Variants in PELI2 observed in about 807,000 individuals in gnomAD.
PELI2 encodes the protein E3 ubiquitin-protein ligase pellino homolog 2.
In PELI2, 23 loss-of-function variants were observed where a neutral mutation model predicts 42.3. The ratio of observed to expected loss-of-function variants is 0.54; its 90% CI spans 0.39 to 0.77. The LOEUF is 0.77. Among genes scored for constraint, PELI2 ranks in the 30% least tolerant of loss-of-function variants. The probability of loss-of-function intolerance (pLI) is 0.00; values close to 1 mark genes in which losing one functional copy is unlikely to be tolerated. For synonymous variants in PELI2, 245 were observed against 212.2 expected, an observed-to-expected ratio of 1.15 and a Z score of -1.34; for missense variants, 463 against 553.2, an observed-to-expected ratio of 0.84 and a Z score of 1.64.
rs547286420 is a variant in PELI2, at chr14:56,295,153, A to G, written c.697-1447A>G. 3.9e-5 allele frequency among the ~76,000 whole-genome samples: 6 copies of G among 151,980 alleles called. No homozygotes were observed. In the South Asian group the frequency reaches 1.0e-3, roughly 26 times the overall value. On this transcript the variant is annotated intron_variant, in intron 5 of 5. Transcript: ENST00000267460. The stretch of plus-strand genomic sequence containing the variant: ...ACTGAGACTGTCTTTGTTGAGGTGT[A>G]CTCACCCTCTCTACCCAGAGAGAGC...
chr14:56,235,644 G>T (rs1373642086), intron 2 of PELI2, among the ~76,000 whole-genome samples: 1 of 152,234 alleles, frequency 6.6e-6, no homozygotes, highest in Non-Finnish European at 1.5e-5. Context: ...GGATATAGTG[G>T]TACAAGCAAT....
intron 2 of PELI2, among the ~76,000 whole-genome samples, chr14:56,189,333 C>T (rs910242894): frequency 1.3e-5 from 2 of 152,178 alleles, no homozygotes; most frequent in African/African-American, 2.4e-5. Context: ...CAGGAAGCCA[C>T]ACTGATGGAG....
At chr14:56,275,148 A>G (rs1889246572) in intron 2 of PELI2, among the ~76,000 whole-genome samples, 2 of 152,190 alleles carry the variant, frequency 1.3e-5, no homozygotes. Context: ...GGAAAAATAA[A>G]TAAGACTGAA....
chr14:56,208,604 T>C (rs1311234190), intron 2 of PELI2, among the ~76,000 whole-genome samples: 2 of 152,192 alleles, frequency 1.3e-5, no homozygotes, highest in East Asian at 3.8e-4. Context: ...ACAAAGTATC[T>C]GCAGTGAAAA....
At chr14:56,292,800 C>T in intron 5 of PELI2, 1 of 963,136 alleles carries the variant, frequency 1.0e-6, no homozygotes. Flanking sequence ...GCCTTTAACT[C>T]CCTGAATAAA....
intron 2 of PELI2, among the ~76,000 whole-genome samples, chr14:56,276,074 A>G (rs1889281060): frequency 6.6e-6 from 1 of 152,208 alleles, no homozygotes; most frequent in East Asian, 1.9e-4. Context: ...TCTGAAAGTC[A>G]TATTTTAAAT....
rs564880400 is a variant in PELI2, at chr14:56,181,149, A to G, written c.207+2685A>G. 3.9e-5 allele frequency among the ~76,000 whole-genome samples: 6 copies of G among 152,086 alleles called. No individual in the cohort carries two copies. The East Asian group carries it at 7.8e-4, about 20-fold the overall frequency. On this transcript the variant is annotated intron_variant, in intron 2 of 5. Transcript: ENST00000267460. ...ATGAGAATTATCTCCAGTTCATTCTATTTTTGGATATACTTCCTTATCTCT... is the reference window on the plus strand; with the variant it reads ...ATGAGAATTATCTCCAGTTCATTCTGTTTTTGGATATACTTCCTTATCTCT...
intron 2 of PELI2, among the ~76,000 whole-genome samples, chr14:56,222,301 C>G (rs1206805074): frequency 6.6e-6 from 1 of 152,142 alleles, no homozygotes; most frequent in Non-Finnish European, 1.5e-5. Context: ...AGTTGTTTTG[C>G]TGGATGTAGA....
At chr14:56,118,983 C>T in intron 1 of PELI2, 1 of 232,678 alleles carries the variant, frequency 4.3e-6, no homozygotes, top group Non-Finnish European at 8.2e-6. Flanking sequence ...AGGAAGTGGC[C>T]AGAACTCGGG....
intron 2 of PELI2, among the ~76,000 whole-genome samples, chr14:56,233,322 G>C (rs964406938): frequency 2.6e-5 from 4 of 152,128 alleles, no homozygotes; most frequent in African/African-American, 9.7e-5. Context: ...AAAGAACAAA[G>C]CTGGAGGCAT....
At chr14:56,230,380 C>T (rs1265815694) in intron 2 of PELI2, among the ~76,000 whole-genome samples, 2 of 152,164 alleles carry the variant, frequency 1.3e-5, no homozygotes, top group South Asian at 2.1e-4. Flanking sequence ...AAGGGAAGCC[C>T]ATCAGACTAA....
chr14:56,139,785 C>T (rs1381884749), intron 1 of PELI2, among the ~76,000 whole-genome samples: 1 of 151,890 alleles, frequency 6.6e-6, no homozygotes, highest in African/African-American at 2.4e-5. Flanking sequence ...CAGAAGTCCT[C>T]ACAGTAATCA....
intron 1 of PELI2, among the ~76,000 whole-genome samples, chr14:56,153,333 C>T (rs1269660343): frequency 6.6e-6 from 1 of 152,064 alleles, no homozygotes; most frequent in Non-Finnish European, 1.5e-5. Context: ...CTCTGAGTTG[C>T]CTGTGGTTCC....
intron 2 of PELI2, among the ~76,000 whole-genome samples, chr14:56,260,627 T>G (rs11628310): frequency 0.22 from 34,182 of 152,140 alleles, 4,458 homozygotes; most frequent in Admixed American, 0.33. Flanking sequence ...AAATGTAAAC[T>G]ATACCTCAAT....
intron 2 of PELI2, among the ~76,000 whole-genome samples, chr14:56,251,583 G>T (rs977913024): frequency 2.6e-5 from 4 of 152,186 alleles, no homozygotes; most frequent in Non-Finnish European, 5.9e-5. Context: ...TGTGCTCATG[G>T]TTGGTATGTA....
intron 2 of PELI2, among the ~76,000 whole-genome samples, chr14:56,275,483 C>T (rs242591): frequency 0.78 from 118,034 of 152,090 alleles, 46,402 homozygotes; most frequent in African/African-American, 0.9. Flanking sequence ...TTCCAGCAAC[C>T]AGACAGTCCC....
intron 2 of PELI2, among the ~76,000 whole-genome samples, chr14:56,203,132 G>A (rs1446761080): frequency 2.0e-5 from 3 of 152,252 alleles, no homozygotes; most frequent in Middle Eastern, 3.4e-3. Flanking sequence ...GAAAGATCTA[G>A]GGGTGACCAG....
chr14:56,178,222 G>A (rs1885452796), intron 1 of PELI2, 113 bp from the exon 2 acceptor site: 1 of 1,052,234 alleles, frequency 9.5e-7, no homozygotes, highest in African/African-American at 1.6e-5. Flanking sequence ...AGTGTTTAGT[G>A]GGCAATTCTT....
Position 56,297,206 on chromosome 14 carries a change from T to C in PELI2, c.*40T>C, listed in dbSNP as rs1334002612. ...ATCTACGACTTTATTAACAGGTTAC[T>C]GTGAAGATTTTGCCACTAACTCTAG... On this transcript the variant is annotated 3_prime_UTR_variant, in exon 6 of 6. Coordinates refer to ENST00000267460, the MANE Select transcript of PELI2 (RefSeq NM_021255.3). 2 of 1,431,326 alleles carry C rather than the reference T, an allele frequency of 1.4e-6. No individual in the cohort carries two copies. The highest frequency in any genetic ancestry group is 1.2e-5 in the South Asian group (1 of 81,356). The allele number at this position is 1,431,326 out of a possible 1,614,324, so 88.7% of individuals were successfully genotyped here.
Sources: gnomAD v4.1 joint callset for allele counts (sites outside exome capture counted in the v4.1 genomes callset) on GRCh38, gnomAD v4.1.1 for gene constraint, MANE v1.5 for transcripts, NCBI Gene and HGNC (gene_info 2026-07-23, HGNC 2026-07-21) for gene names.